Variants in CAND2 observed in about 807,000 individuals in gnomAD.
CAND2 encodes cullin associated and neddylation dissociated 2 (putative).
In CAND2, 62 loss-of-function variants were observed where a neutral mutation model predicts 98.9. The observed-to-expected ratio is 0.63, with a 90% confidence interval of 0.51 to 0.77. The LOEUF is 0.77. Among genes scored for constraint, CAND2 ranks in the 30% least tolerant of loss-of-function variants. The pLI is 0.00. For synonymous variants in CAND2, 770 were observed against 731.9 expected, an observed-to-expected ratio of 1.05 and a Z score of -0.84; for missense variants, 1,501 against 1,655.2, an observed-to-expected ratio of 0.91 and a Z score of 1.62.
chr3:12,816,086 C>G, intron 9 of CAND2, 78 bp downstream of exon 9: 1 of 1,446,838 alleles, frequency 6.9e-7, no homozygotes, highest in Non-Finnish European at 9.5e-7. Flanking sequence ...GTTGAGCCCC[C>G]AGTTCCTGAG....
At chr3:12,796,991 G>C (rs1212567132) in intron 1 of CAND2, among the ~76,000 whole-genome samples, 1 of 151,462 alleles carries the variant, frequency 6.6e-6, no homozygotes, top group Non-Finnish European at 1.5e-5. Flanking sequence ...CTCCCCTAGG[G>C]GCCGTCCTGC....
rs778611983 is a variant in CAND2 at position 12,815,907 on chromosome 3, A to T, written c.1340A>T (p.Asp447Val). The change falls in exon 9 of 15, where the codon GAT (aspartate) becomes GTT (valine). Residue 447 changes from aspartate (D) to valine (V), a missense_variant. Asp to Val is a radical substitution (Grantham distance 152). Around this residue, in one of 3 missense-constraint regions of CAND2, gnomAD observed 1,427 missense variants for 1,545.3 expected, o/e 0.92. Coordinates refer to ENST00000456430, the MANE Select transcript of CAND2 (RefSeq NM_001162499.2). This position sits in a 1 kb window ranked among gnomAD's most constrained non-coding sequence, Gnocchi z 5.7. ...AAGGCCCTGCAGCGGCAGCTTAAAG[A>T]TCGGAGCGTCAGAGCCCGCCAGGGA... The part of the protein sequence containing the change: ...VVKALQRQLK[D>V]RSVRARQGCF... 2.5e-6 allele frequency: 4 copies of T among 1,613,672 alleles called. No individual in the cohort carries two copies. The highest frequency in any genetic ancestry group is 3.4e-6 in the Non-Finnish European group (4 of 1,179,970).
Position 12,815,102 on chromosome 3 carries a change from G to C in CAND2, c.1007-39G>C, listed in dbSNP as rs747432585. On this transcript the variant is annotated intron_variant, in intron 7 of 14. Transcript: ENST00000456430. This position sits in a 1 kb window ranked among gnomAD's most constrained non-coding sequence, Gnocchi z 5.7. ...TCCCCCGAGCCACAGACCTGTCCTG[G>C]GAGATGAGGGTTCCACGTGTGTCTT... 1.3e-6 allele frequency: 2 copies of C among 1,574,168 alleles called. No homozygotes were observed. Among genetic ancestry groups the C allele is most frequent in the East Asian group, 2.3e-5 (1 of 44,370 alleles).
chr3:12,816,185 A>G (rs2061897374), intron 9 of CAND2, among the ~76,000 whole-genome samples, 177 bp downstream of exon 9: 2 of 152,118 alleles, frequency 1.3e-5, no homozygotes, highest in Non-Finnish European at 2.9e-5. Context: ...GGCTGGCTCC[A>G]GTGAGTTCCC....
chr3:12,828,514 G>C (rs1158457959), intron 13 of CAND2, among the ~76,000 whole-genome samples: 1 of 151,692 alleles, frequency 6.6e-6, no homozygotes, highest in Non-Finnish European at 1.5e-5. Context: ...AATTTTTTTT[G>C]TATTTTTAGT....
At chr3:12,798,845 G>T (rs1011043546) in intron 1 of CAND2, among the ~76,000 whole-genome samples, 2 of 152,182 alleles carry the variant, frequency 1.3e-5, no homozygotes, top group Non-Finnish European at 2.9e-5. Flanking sequence ...CGTCCGTGTG[G>T]CCAAGGGTTT....
Position 12,829,110 on chromosome 3 carries a change from T to G in CAND2, c.3375+1506T>G, listed in dbSNP as rs561885747. 8.5e-4 allele frequency among the ~76,000 whole-genome samples: 130 copies of G among 152,338 alleles called. 1 individual carries two copies. The highest frequency in any genetic ancestry group is 1.4e-3 in the Non-Finnish European group (93 of 68,022). ...TCATACGGCAATTCTGTGTTTAATG[T>G]CTTAAGGAACTGCTATACTACAACT... On this transcript the variant is annotated intron_variant, in intron 13 of 14. Transcript: ENST00000456430.
At chr3:12,817,989 C>T in intron 10 of CAND2, 113 bp downstream of exon 10, 3 of 995,496 alleles carry the variant, frequency 3.0e-6, no homozygotes, top group East Asian at 5.3e-5. Flanking sequence ...ATACAAGAAT[C>T]ACGGTATCTA....
At chr3:12,826,830 CTTTT>C (rs1407883495) in intron 12 of CAND2, among the ~76,000 whole-genome samples, 4 of 131,774 alleles carry the variant, frequency 3.0e-5, no homozygotes, top group Admixed American at 1.5e-4. Flanking sequence ...GTAACATTTA[CTTTT>C]TTTTTTTTTT....
In CAND2 at chr3:12,815,442, G is replaced by T. The variant is rs761175364; in HGVS notation, c.1299+9G>T. 1 of 1,601,026 alleles carries T rather than the reference G, an allele frequency of 6.2e-7. No individual in the cohort carries two copies. Reference sequence around the variant, plus strand: ...ATATGCTACGTGGACAGGTGGGCGTGCCTTCACCTCCACCCCTACCCCCGA... The same window carrying T: ...ATATGCTACGTGGACAGGTGGGCGTTCCTTCACCTCCACCCCTACCCCCGA... On this transcript the variant is annotated intron_variant, in intron 8 of 14. Transcript: ENST00000456430. This position sits in a 1 kb window ranked among gnomAD's most constrained non-coding sequence, Gnocchi z 5.7.
rs536759192 is a variant in CAND2, at chr3:12,815,706, G to A, written c.1300-161G>A. Among the ~76,000 whole-genome samples, 45 of 152,180 alleles carry A rather than the reference G, an allele frequency of 3.0e-4. No individual in the cohort carries two copies. The highest frequency in any genetic ancestry group is 3.2e-3 in the Middle Eastern group (1 of 316). ...GCCTACTCTCCAAGGGTCTGTGTGC[G>A]GTCACCAAAAGCCTGGCACAGAGTG... On this transcript the variant is annotated intron_variant, in intron 8 of 14. Transcript: ENST00000456430. This position sits in a 1 kb window ranked among gnomAD's most constrained non-coding sequence, Gnocchi z 5.7.
chr3:12,820,121 GTCAAGT>G lies in CAND2; in HGVS notation c.2983_2988del (p.Lys995_Phe996del). 2 of 1,614,162 alleles carry G rather than the reference GTCAAGT, an allele frequency of 1.2e-6. No individual in the cohort carries two copies. Among genetic ancestry groups the G allele is most frequent in the Non-Finnish European group, 1.7e-6 (2 of 1,180,014 alleles). On this transcript the variant is annotated inframe_deletion, in exon 11 of 15. Transcript: ENST00000456430. ...CACCCGGAGCACCGTCATCACAGCGGTCAAGTTCCTTATCTCGGACCAGCCCCATCC... is the reference window on the plus strand; with the variant it reads ...CACCCGGAGCACCGTCATCACAGCGGTCCTTATCTCGGACCAGCCCCATCC...
chr3:12,812,893 T>C, intron 5 of CAND2, 97 bp from the exon 6 acceptor site: 1 of 746,232 alleles, frequency 1.3e-6, no homozygotes. Flanking sequence ...TCTACAGTGG[T>C]CAGGGCTGCA....
rs1057014654 is a variant in CAND2, at chr3:12,826,404, A to G, written c.3210+765A>G. Among the ~76,000 whole-genome samples, 3 of 148,368 alleles carry G rather than the reference A, an allele frequency of 2.0e-5. No homozygotes were observed. In the Admixed American group the frequency reaches 2.0e-4, roughly 10 times the overall value. ...ATTAAAACAGGGCTTCATGGTTGAA[A>G]GCTTCAGAAAGACCTGGGTGTCTTT... is the stretch of plus-strand genomic sequence containing the variant. On this transcript the variant is annotated intron_variant, in intron 12 of 14. Coordinates refer to ENST00000456430, the MANE Select transcript of CAND2 (RefSeq NM_001162499.2).
chr3:12,825,115 TC>T (rs1306646521), intron 11 of CAND2, among the ~76,000 whole-genome samples: 50 of 148,930 alleles, frequency 3.4e-4, no homozygotes, highest in African/African-American at 1.2e-3. Context: ...AAAATTTTTT[TC>T]TTTTTTTTTT....
intron 14 of CAND2, among the ~76,000 whole-genome samples, chr3:12,832,976 T>C (rs1429071501): frequency 6.6e-6 from 1 of 152,206 alleles, no homozygotes; most frequent in Non-Finnish European, 1.5e-5. Context: ...CGTTTAATCC[T>C]CTTGGCAACT....
intron 10 of CAND2, among the ~76,000 whole-genome samples, chr3:12,819,048 C>T (rs2061933168): frequency 6.6e-6 from 1 of 152,184 alleles, no homozygotes; most frequent in Non-Finnish European, 1.5e-5. Context: ...TAGTAGGTTC[C>T]TGGGACTTCC....
At chr3:12,803,698 C>T in intron 2 of CAND2, 67 bp downstream of exon 2, 2 of 1,462,168 alleles carry the variant, frequency 1.4e-6, no homozygotes, top group Non-Finnish European at 1.8e-6. Flanking sequence ...CTGGGGACCG[C>T]TGTCCCTTTG....
chr3:12,816,818 C>G lies in CAND2; in HGVS notation c.1886C>G (p.Pro629Arg). ...DRLRNEITRL[P>R]AIKALTLVAV... Reference sequence around the variant, plus strand: ...CTGCGGAATGAGATCACCCGGCTGCCCGCCATCAAGGCGCTTACGCTGGTG... The same window carrying G: ...CTGCGGAATGAGATCACCCGGCTGCGCGCCATCAAGGCGCTTACGCTGGTG... The change falls in exon 10 of 15, where the codon CCC (proline) becomes CGC (arginine). Residue 629 changes from proline to arginine, a missense_variant. Around this residue, in one of 3 missense-constraint regions of CAND2, gnomAD observed 1,427 missense variants for 1,545.3 expected, o/e 0.92. Coordinates refer to ENST00000456430, the MANE Select transcript of CAND2 (RefSeq NM_001162499.2). 1 of 1,613,712 alleles carries G rather than the reference C, an allele frequency of 6.2e-7. No individual in the cohort carries two copies. Among genetic ancestry groups the G allele is most frequent in the Non-Finnish European group, 8.5e-7 (1 of 1,180,042 alleles).
Sources: gnomAD v4.1 joint callset for allele counts (sites outside exome capture counted in the v4.1 genomes callset) on GRCh38, gnomAD v4.1.1 for gene constraint, gnomAD v4.1.1 regional missense constraint, Gnocchi (gnomAD v3.1) non-coding constraint, MANE v1.5 for transcripts, NCBI Gene and HGNC (gene_info 2026-07-23, HGNC 2026-07-21) for gene names.